SCHIP1: variants seen among roughly 807,000 people sequenced by gnomAD.
The protein encoded by SCHIP1 is schwannomin-interacting protein 1.
SCHIP1 carries 8 observed loss-of-function variants against 29.7 expected under a neutral mutation model. The observed-to-expected ratio is 0.27, with a 90% confidence interval of 0.16 to 0.49. The LOEUF (loss-of-function observed/expected upper bound fraction) is 0.49. Ranked by LOEUF, SCHIP1 falls within the 20% of genes least tolerant of loss-of-function variation. The pLI is 0.99. For synonymous variants in SCHIP1, 76 were observed against 94.9 expected (o/e 0.80, Z 1.16); for missense variants, 193 against 294.6 (o/e 0.66, Z 2.52).
At chr3:159,815,758 A>T in the SCHIP1 span, among the ~76,000 whole-genome samples, 1 of 152,076 alleles carries the variant, frequency 6.6e-6, no homozygotes, top group Non-Finnish European at 1.5e-5. Context: ...GTCTCCAGGA[A>T]CACACCCATG....
chr3:159,389,429 T>C, the SCHIP1 span, among the ~76,000 whole-genome samples: 1 of 152,052 alleles, frequency 6.6e-6, no homozygotes, highest in African/African-American at 2.4e-5. Flanking sequence ...ATTACCCTCA[T>C]CTACATAGGG....
the SCHIP1 span, among the ~76,000 whole-genome samples, chr3:159,778,801 C>T: frequency 6.6e-6 from 1 of 152,194 alleles, no homozygotes; most frequent in African/African-American, 2.4e-5. Flanking sequence ...CTGGTGCTGT[C>T]TCTGGAGAAG....
chr3:159,668,376 CAAAAAA>C, the SCHIP1 span, among the ~76,000 whole-genome samples: 1 of 46,412 alleles, frequency 2.2e-5, no homozygotes, highest in African/African-American at 9.6e-5. Context: ...GACTCCGTCT[CAAAAAA>C]AAAAAAAAAA....
At chr3:159,524,067 T>G in the SCHIP1 span, among the ~76,000 whole-genome samples, 1 of 152,214 alleles carries the variant, frequency 6.6e-6, no homozygotes, top group African/African-American at 2.4e-5. Context: ...GCACAGATCC[T>G]GGTCTCAGTG....
the SCHIP1 span, among the ~76,000 whole-genome samples, chr3:159,630,793 C>A: frequency 6.6e-6 from 1 of 152,020 alleles, no homozygotes; most frequent in Non-Finnish European, 1.5e-5. Flanking sequence ...GATGGGTGCA[C>A]CAAAATCTCA....
At chr3:159,359,572 G>A in the SCHIP1 span, among the ~76,000 whole-genome samples, 7 of 152,084 alleles carry the variant, frequency 4.6e-5, no homozygotes, top group East Asian at 1.9e-4. Flanking sequence ...TATCAAAGTC[G>A]TTAATTTTAT....
the SCHIP1 span, among the ~76,000 whole-genome samples, chr3:159,552,919 G>A: frequency 6.6e-6 from 1 of 152,078 alleles, no homozygotes; most frequent in Non-Finnish European, 1.5e-5. Flanking sequence ...ATGTTGCTGA[G>A]GAGTAAAGTA....
Position 159,870,740 on chromosome 3 carries a change from T to G in SCHIP1, c.149+4459T>G, listed in dbSNP as rs1247184569. Among the ~76,000 whole-genome samples the G allele has an allele frequency of 2.0e-5, 3 of 152,088 alleles. No individual in the cohort carries two copies. In the East Asian group the frequency reaches 5.8e-4, roughly 29 times the overall value. Reference sequence around the variant, plus strand: ...GGATTGTTAGGTTTATATTCATGATTGACATGAATCTATTGTATTCTTTTC... The same window carrying G: ...GGATTGTTAGGTTTATATTCATGATGGACATGAATCTATTGTATTCTTTTC... On this transcript the variant is annotated intron_variant, in intron 2 of 6. Transcript: ENST00000445224.
the SCHIP1 span, among the ~76,000 whole-genome samples, chr3:159,633,546 T>G: frequency 6.6e-6 from 1 of 152,098 alleles, no homozygotes; most frequent in South Asian, 2.1e-4. Context: ...ATTCAAAAAT[T>G]AAAATGACAT....
chr3:159,397,011 T>G, the SCHIP1 span, among the ~76,000 whole-genome samples: 1 of 144,828 alleles, frequency 6.9e-6, no homozygotes, highest in Non-Finnish European at 1.6e-5. Flanking sequence ...TTGGAGGCTT[T>G]GCTCGTTTCT....
the SCHIP1 span, among the ~76,000 whole-genome samples, chr3:159,494,482 G>T: frequency 6.6e-6 from 1 of 152,140 alleles, no homozygotes; most frequent in South Asian, 2.1e-4. Flanking sequence ...ACACCTCTAC[G>T]CAAATAAACT....
chr3:159,304,167 A>G, the SCHIP1 span, among the ~76,000 whole-genome samples: 11 of 152,164 alleles, frequency 7.2e-5, no homozygotes, highest in African/African-American at 2.7e-4. Context: ...TTTCACACCT[A>G]AAATCATAGT....
At chr3:159,331,830 T>A in the SCHIP1 span, among the ~76,000 whole-genome samples, 9 of 152,188 alleles carry the variant, frequency 5.9e-5, no homozygotes, top group Non-Finnish European at 1.2e-4. Context: ...CTGACCATGT[T>A]CATTCTCTGC....
chr3:159,706,971 T>C, the SCHIP1 span, among the ~76,000 whole-genome samples: 954 of 152,296 alleles, frequency 6.3e-3, 13 homozygotes, highest in African/African-American at 0.022. Flanking sequence ...CACTCTTAAG[T>C]GCTGGAGATG....
chr3:159,554,193 C>G, the SCHIP1 span, among the ~76,000 whole-genome samples: 9 of 152,122 alleles, frequency 5.9e-5, no homozygotes, highest in African/African-American at 2.2e-4. Flanking sequence ...CAATTGGTTT[C>G]TTAGAATTCA....
At chr3:159,692,849 A>G in the SCHIP1 span, among the ~76,000 whole-genome samples, 1 of 152,210 alleles carries the variant, frequency 6.6e-6, no homozygotes, top group Non-Finnish European at 1.5e-5. Flanking sequence ...CATATTTAAC[A>G]AAAATATTTG....
chr3:159,669,017 T>C, the SCHIP1 span, among the ~76,000 whole-genome samples: 3 of 152,140 alleles, frequency 2.0e-5, no homozygotes, highest in Non-Finnish European at 2.9e-5. Flanking sequence ...CCAGAGTAGG[T>C]TCTACAAGAG....
At chr3:159,658,032 G>C in the SCHIP1 span, among the ~76,000 whole-genome samples, 1 of 152,212 alleles carries the variant, frequency 6.6e-6, no homozygotes, top group Admixed American at 6.5e-5. Context: ...GCCTAGCCCA[G>C]CTTCTCCCTC....
At chr3:159,694,651 A>T in the SCHIP1 span, among the ~76,000 whole-genome samples, 1 of 152,246 alleles carries the variant, frequency 6.6e-6, no homozygotes, top group Non-Finnish European at 1.5e-5. Context: ...AAAGGATTGC[A>T]TATTGGAATA....
Sources: gnomAD v4.1 joint callset for allele counts (sites outside exome capture counted in the v4.1 genomes callset) on GRCh38, gnomAD v4.1.1 for gene constraint, MANE v1.5 for transcripts, NCBI Gene and HGNC (gene_info 2026-07-23, HGNC 2026-07-21) for gene names.